MAK: variants seen among roughly 807,000 people sequenced by gnomAD.
The protein encoded by MAK is male germ cell associated kinase, also known as serine/threonine-protein kinase MAK.
In MAK, 65 loss-of-function variants were observed where a neutral mutation model predicts 82.6. That is an observed-to-expected ratio of 0.79 (90% CI 0.64 to 0.97). The LOEUF is 0.97. Among genes scored for constraint, MAK ranks in the 50% least tolerant of loss-of-function variants. The pLI, the probability that MAK is intolerant of heterozygous loss-of-function variation, is 0.00. For missense variants in MAK, 703 were observed against 780.2 expected, an observed-to-expected ratio of 0.90 and a Z score of 1.18; for synonymous variants, 250 against 274.2, an observed-to-expected ratio of 0.91 and a Z score of 0.87.
rs1436981825 is a variant in MAK at position 10,800,958 on chromosome 6, C to T, written c.831+934G>A. Among the ~76,000 whole-genome samples, 3 of 151,752 alleles carry T rather than the reference C, an allele frequency of 2.0e-5. No individual in the cohort carries two copies. The highest frequency in any genetic ancestry group is 2.9e-5 in the Non-Finnish European group (2 of 68,028). On this transcript the variant is annotated intron_variant, in intron 8 of 14. Coordinates refer to ENST00000354489, the MANE Select transcript of MAK (RefSeq NM_001242957.3). This position sits in a 1 kb window ranked among gnomAD's most constrained non-coding sequence, Gnocchi z 4.2. ...ATTTTCCCAGTATCACCCACTGAGC[C>T]GTCCTCCCCTCTTTGTGATGCCACG...
intron 1 of MAK, among the ~76,000 whole-genome samples, chr6:10,834,377 T>C (rs1296219980): frequency 6.6e-6 from 1 of 152,218 alleles, no homozygotes; most frequent in African/African-American, 2.4e-5. Context: ...ATGGAGTCAA[T>C]CCAATAGTTG....
At chr6:10,788,094 A>G (rs1774745930) in intron 10 of MAK, among the ~76,000 whole-genome samples, 1 of 151,708 alleles carries the variant, frequency 6.6e-6, no homozygotes, top group African/African-American at 2.4e-5. Context: ...AAGCTCAAGC[A>G]ATCCTCTCAC....
intron 1 of MAK, among the ~76,000 whole-genome samples, chr6:10,832,356 G>C (rs1230915493): frequency 6.6e-6 from 1 of 152,242 alleles, no homozygotes; most frequent in Non-Finnish European, 1.5e-5. Context: ...TTTGAAAGAA[G>C]TTCTACTGTA....
intron 1 of MAK, among the ~76,000 whole-genome samples, chr6:10,835,941 C>A (rs1320712318): frequency 6.6e-6 from 1 of 152,226 alleles, no homozygotes; most frequent in Non-Finnish European, 1.5e-5. Flanking sequence ...GCTGCACCAG[C>A]ACTATCAGCA....
At chr6:10,821,372 T>C (rs1393490928) in intron 2 of MAK, among the ~76,000 whole-genome samples, 1 of 152,138 alleles carries the variant, frequency 6.6e-6, no homozygotes, top group East Asian at 1.9e-4. Flanking sequence ...GTCTCCCAGG[T>C]TCAAGCGATT....
intron 1 of MAK, among the ~76,000 whole-genome samples, chr6:10,832,597 T>C (rs1778888156): frequency 6.6e-6 from 1 of 152,076 alleles, no homozygotes; most frequent in Non-Finnish European, 1.5e-5. Flanking sequence ...TTTTTAGCAA[T>C]AAGATTTTTT....
intron 6 of MAK, among the ~76,000 whole-genome samples, chr6:10,805,087 G>A (rs1168168495): frequency 6.7e-6 from 1 of 149,166 alleles, no homozygotes; most frequent in Non-Finnish European, 1.5e-5. Context: ...GGGGTGGGGA[G>A]GGGGCGTGCT....
intron 6 of MAK, among the ~76,000 whole-genome samples, chr6:10,805,094 TG>T (rs1188976312): frequency 6.7e-6 from 1 of 149,736 alleles, no homozygotes; most frequent in Non-Finnish European, 1.5e-5. Flanking sequence ...GGAGGGGGCG[TG>T]CTGCCATGGG....
At chr6:10,816,930 G>A (rs140506200) in intron 4 of MAK, among the ~76,000 whole-genome samples, 1 of 152,220 alleles carries the variant, frequency 6.6e-6, no homozygotes, top group East Asian at 1.9e-4. Context: ...AGGCGTGCAT[G>A]TCTATATAGA....
chr6:10,785,017 G>A lies in MAK; in HGVS notation c.1317-445C>T, dbSNP rs549400509. The A allele has an allele frequency of 4.2e-4, 190 of 455,556 alleles. 2 individuals carry two copies. Among genetic ancestry groups the A allele is most frequent in the African/African-American group, 3.2e-3 (158 of 50,112 alleles). 28.2% of individuals were successfully genotyped at this position (455,556 alleles called of 1,614,324 possible). A position where few individuals can be genotyped will look rare whatever the true frequency, so the allele number is the denominator to read the frequency against. On this transcript the variant is annotated intron_variant, in intron 10 of 14. Coordinates refer to ENST00000354489, the MANE Select transcript of MAK (RefSeq NM_001242957.3). ...GGAAAGAAGTGCTAGAAAAGCTCCC[G>A]TATACAATTTCCCGTCACCCTAGTG...
At chr6:10,824,151 TA>T (rs1778177986) in intron 2 of MAK, among the ~76,000 whole-genome samples, 1 of 152,156 alleles carries the variant, frequency 6.6e-6, no homozygotes, top group Admixed American at 6.5e-5. Flanking sequence ...ACTTGAGGAG[TA>T]ACGGCTATAG....
intron 7 of MAK, chr6:10,802,340 C>G (rs1581711392): frequency 5.5e-6 from 2 of 360,460 alleles, no homozygotes; most frequent in Middle Eastern, 8.5e-4. Context: ...GGATCTGGCT[C>G]TGTTATCCAG....
At position 10,800,065 on chromosome 6, in the gene MAK, C is replaced by CA. The variant is rs559891041; in HGVS notation, c.831+1826dup. Among the ~76,000 whole-genome samples the CA allele has an allele frequency of 0.012, 1,806 of 147,472 alleles. 10 individuals carry two copies. The highest frequency in any genetic ancestry group is 0.019 in the Non-Finnish European group (1,293 of 66,874). On this transcript the variant is annotated intron_variant, in intron 8 of 14. Coordinates refer to ENST00000354489, the MANE Select transcript of MAK (RefSeq NM_001242957.3). The surrounding 1 kb of genome is among the most constrained non-coding windows in gnomAD (Gnocchi z 4.2). ...TCCGTTTCAAAAACAAAAACAAAAA[C>CA]AAAAAAAAACTAAACAAAAAAACCC...
At chr6:10,812,359 T>A (rs537760956) in intron 5 of MAK, among the ~76,000 whole-genome samples, 3 of 152,272 alleles carry the variant, frequency 2.0e-5, no homozygotes, top group African/African-American at 4.8e-5. Flanking sequence ...CAAATGTTTT[T>A]AAAAAATAAT....
chr6:10,790,626 A>T (rs1004438236), intron 10 of MAK, among the ~76,000 whole-genome samples: 1 of 152,216 alleles, frequency 6.6e-6, no homozygotes, highest in Non-Finnish European at 1.5e-5. Flanking sequence ...CCATCAGAAG[A>T]AGCTGTTAAC....
intron 2 of MAK, among the ~76,000 whole-genome samples, chr6:10,828,532 T>G (rs1778546393): frequency 6.6e-6 from 1 of 152,088 alleles, no homozygotes. Context: ...AAAAGGTAAT[T>G]AAGTTTAAGT....
intron 9 of MAK, among the ~76,000 whole-genome samples, chr6:10,792,319 A>C (rs1775158088): frequency 6.6e-6 from 1 of 152,184 alleles, no homozygotes. Flanking sequence ...TGGCCACAGG[A>C]ATGAAAGCCA....
chr6:10,780,036 C>T (rs1773822951), intron 11 of MAK, among the ~76,000 whole-genome samples: 1 of 152,130 alleles, frequency 6.6e-6, no homozygotes, highest in African/African-American at 2.4e-5. Flanking sequence ...GTTGCTGGTT[C>T]ACAATAGGTG....
At chr6:10,822,132 G>A (rs1199847392) in intron 2 of MAK, among the ~76,000 whole-genome samples, 1 of 126,642 alleles carries the variant, frequency 7.9e-6, no homozygotes, top group Admixed American at 8.4e-5. Context: ...GGGCAACAGA[G>A]CGAGACTCCG....
Sources: gnomAD v4.1 joint callset for allele counts (sites outside exome capture counted in the v4.1 genomes callset) on GRCh38, gnomAD v4.1.1 for gene constraint, Gnocchi (gnomAD v3.1) non-coding constraint, MANE v1.5 for transcripts, NCBI Gene and HGNC (gene_info 2026-07-23, HGNC 2026-07-21) for gene names.